ST18: variants seen among roughly 807,000 people sequenced by gnomAD.
ST18 encodes the protein suppression of tumorigenicity 18 protein.
ST18 carries 50 observed loss-of-function variants against 110.0 expected under a neutral mutation model. The observed-to-expected ratio is 0.45, with a 90% CI of 0.36 to 0.58. The LOEUF is 0.58. Among genes scored for constraint, ST18 ranks in the 20% least tolerant of loss-of-function variants. The pLI, the probability that ST18 is intolerant of heterozygous loss-of-function variation, is 0.00. For missense variants in ST18, 1,306 were observed against 1,280.1 expected (o/e 1.02, Z -0.31); for synonymous variants, 461 against 452.4 (o/e 1.02, Z -0.24).
At chr8:52,225,384 G>A (rs2088942955) in intron 3 of ST18, among the ~76,000 whole-genome samples, 1 of 152,158 alleles carries the variant, frequency 6.6e-6, no homozygotes, top group African/African-American at 2.4e-5. Context: ...ATTCAAATAA[G>A]CTTAACACAA....
chr8:52,240,539 T>C lies in ST18; in HGVS notation c.-464-10462A>G, dbSNP rs79780735. Among the ~76,000 whole-genome samples, 1,993 of 152,308 alleles carry C rather than the reference T, an allele frequency of 0.013. 91 individuals are homozygous for C. In the East Asian group the frequency reaches 0.15, roughly 11 times the overall value. Reference sequence around the variant, plus strand: ...GATGGGTTCTCCACTGGGCTCACTTTACATTTGTTTCCTATTTCATCTACT... The same window carrying C: ...GATGGGTTCTCCACTGGGCTCACTTCACATTTGTTTCCTATTTCATCTACT... On this transcript the variant is annotated intron_variant, in intron 2 of 25. Transcript: ENST00000689386.
intron 2 of ST18, among the ~76,000 whole-genome samples, chr8:52,392,498 A>C (rs1377960484): frequency 2.6e-5 from 4 of 152,246 alleles, no homozygotes; most frequent in Admixed American, 2.0e-4. Context: ...TTAATAGGGC[A>C]GAAATTATAC....
At chr8:52,280,488 C>T (rs527761892) in intron 2 of ST18, among the ~76,000 whole-genome samples, 139 of 151,782 alleles carry the variant, frequency 9.2e-4, no homozygotes, top group African/African-American at 3.1e-3. Flanking sequence ...TAATATACAC[C>T]TAGACCTTAA....
chr8:52,258,971 C>G (rs188339523), intron 2 of ST18, among the ~76,000 whole-genome samples: 1 of 152,284 alleles, frequency 6.6e-6, no homozygotes, highest in Non-Finnish European at 1.5e-5. Context: ...ATCCTCTACT[C>G]TAAAATTTAC....
chr8:52,187,917 C>T (rs1217348155), intron 8 of ST18, among the ~76,000 whole-genome samples: 1 of 152,086 alleles, frequency 6.6e-6, no homozygotes, highest in Non-Finnish European at 1.5e-5. Context: ...TCTTTAATTC[C>T]TTTTGCATAC....
intron 2 of ST18, among the ~76,000 whole-genome samples, chr8:52,288,219 C>CA (rs1171185191): frequency 6.6e-6 from 1 of 152,154 alleles, no homozygotes; most frequent in Non-Finnish European, 1.5e-5. Context: ...AGAAGCCACT[C>CA]ACGTCCACTG....
intron 2 of ST18, among the ~76,000 whole-genome samples, chr8:52,359,432 T>C (rs1269470040): frequency 3.3e-5 from 5 of 151,980 alleles, no homozygotes; most frequent in Non-Finnish European, 7.4e-5. Flanking sequence ...AGTTGATGGG[T>C]TTCCTGCTCT....
At chr8:52,327,279 T>C (rs1407877018) in intron 2 of ST18, among the ~76,000 whole-genome samples, 1 of 152,232 alleles carries the variant, frequency 6.6e-6, no homozygotes, top group African/African-American at 2.4e-5. Flanking sequence ...TGAAGTTAGA[T>C]GCAGTAAGGT....
intron 2 of ST18, among the ~76,000 whole-genome samples, chr8:52,238,252 A>G (rs759927086): frequency 2.6e-5 from 4 of 152,214 alleles, no homozygotes; most frequent in Non-Finnish European, 5.9e-5. Flanking sequence ...TACTTGAGAA[A>G]TTGTACACAA....
intron 2 of ST18, among the ~76,000 whole-genome samples, chr8:52,260,044 A>C (rs1401912896): frequency 6.6e-6 from 1 of 152,238 alleles, no homozygotes; most frequent in Non-Finnish European, 1.5e-5. Flanking sequence ...TGTCATCAGT[A>C]AGAAACCTTA....
At chr8:52,400,037 A>G (rs1162555386) in intron 2 of ST18, among the ~76,000 whole-genome samples, 1 of 152,114 alleles carries the variant, frequency 6.6e-6, no homozygotes, top group South Asian at 2.1e-4. Context: ...TTGTATTGCT[A>G]TCTAGTTCTT....
intron 2 of ST18, among the ~76,000 whole-genome samples, chr8:52,235,658 C>A (rs1277374589): frequency 6.6e-6 from 1 of 152,120 alleles, no homozygotes; most frequent in South Asian, 2.1e-4. Flanking sequence ...AAGACTCATA[C>A]ATGTGAAGCT....
intron 23 of ST18, among the ~76,000 whole-genome samples, chr8:52,125,441 G>A (rs1257792223): frequency 2.6e-5 from 4 of 151,944 alleles, no homozygotes; most frequent in South Asian, 2.1e-4. Flanking sequence ...ACACACACAC[G>A]TGAGAGAGAC....
At chr8:52,165,254 G>A in intron 11 of ST18, 29 bp from the exon 12 acceptor site, 1 of 1,607,678 alleles carries the variant, frequency 6.2e-7, no homozygotes, top group Non-Finnish European at 8.5e-7. Context: ...ATAAAGGAAA[G>A]AATACTTTAC....
intron 2 of ST18, among the ~76,000 whole-genome samples, chr8:52,401,897 C>T (rs557387189): frequency 3.9e-5 from 6 of 152,200 alleles, no homozygotes; most frequent in East Asian, 1.9e-4. Context: ...GCCTGTGCAT[C>T]CAGTGGAACA....
At chr8:52,317,268 T>C (rs2096047249) in intron 2 of ST18, among the ~76,000 whole-genome samples, 1 of 152,200 alleles carries the variant, frequency 6.6e-6, no homozygotes, top group South Asian at 2.1e-4. Flanking sequence ...AGGTAGGCCC[T>C]AAATCCAATA....
chr8:52,137,106 C>T (rs553997699), intron 18 of ST18, among the ~76,000 whole-genome samples: 1 of 152,280 alleles, frequency 6.6e-6, no homozygotes, highest in South Asian at 2.1e-4. Flanking sequence ...ATTACTTTTC[C>T]TCGGGCAAAT....
At chr8:52,231,144 T>C (rs775253566) in intron 2 of ST18, among the ~76,000 whole-genome samples, 3 of 152,252 alleles carry the variant, frequency 2.0e-5, no homozygotes, top group African/African-American at 7.2e-5. Context: ...ATTATATATA[T>C]GTATGTGTAT....
chr8:52,196,655 A>G (rs1332630700), intron 8 of ST18, among the ~76,000 whole-genome samples: 1 of 152,194 alleles, frequency 6.6e-6, no homozygotes, highest in African/African-American at 2.4e-5. Context: ...TTTTATTATT[A>G]GTTATGTTGT....
Sources: allele counts gnomAD v4.1 joint callset (sites outside exome capture counted in the v4.1 genomes callset), GRCh38; gene constraint gnomAD v4.1.1; transcripts MANE v1.5; gene names NCBI Gene and HGNC (gene_info 2026-07-23, HGNC 2026-07-21).